The following ZNHIT6 variants were observed in gnomAD, a reference collection of about 807,000 sequenced individuals.
The protein encoded by ZNHIT6 is box C/D snoRNA protein 1.
A neutral mutation model predicts 57.2 loss-of-function variants in ZNHIT6; 45 were observed. The observed-to-expected ratio is 0.79, with a 90% CI of 0.62 to 1.01. The LOEUF (loss-of-function observed/expected upper bound fraction) is 1.01, where lower values mean the gene tolerates loss of function less well. Among genes scored for constraint, ZNHIT6 ranks in the 50% least tolerant of loss-of-function variants. ZNHIT6 has a pLI of 0.00. For missense variants in ZNHIT6, 528 were observed against 567.3 expected (o/e 0.93, Z 0.70); for synonymous variants, 188 against 190.0 (o/e 0.99, Z 0.09).
intron 1 of ZNHIT6, among the ~76,000 whole-genome samples, chr1:85,707,294 ATT>A (rs1233092088): frequency 6.6e-6 from 1 of 152,110 alleles, no homozygotes; most frequent in Non-Finnish European, 1.5e-5. Context: ...TCTCATCTCT[ATT>A]CTCTCTCAAA....
chr1:85,688,104 G>C (rs1244072971), intron 5 of ZNHIT6, among the ~76,000 whole-genome samples: 2 of 151,732 alleles, frequency 1.3e-5, no homozygotes, highest in African/African-American at 4.8e-5. Context: ...TGTTTTACCA[G>C]AGAGCACAGC....
chr1:85,693,489 CAATAT>C (rs1468655896), intron 5 of ZNHIT6, among the ~76,000 whole-genome samples: 1 of 152,026 alleles, frequency 6.6e-6, no homozygotes, highest in African/African-American at 2.4e-5. Context: ...GTGACTTGGA[CAATAT>C]AGCTGAACAA....
rs1557826960 is a variant in ZNHIT6 at position 85,652,783 on chromosome 1, A to C, written c.*1275T>G. 1 of 152,206 alleles carries C rather than the reference A, an allele frequency of 6.6e-6. No homozygotes were observed. The highest frequency in any genetic ancestry group is 1.5e-5 in the Non-Finnish European group (1 of 68,030). The allele number at this position is 152,206 out of a possible 1,614,324, so 9.4% of individuals were successfully genotyped here. A position where few individuals can be genotyped will look rare whatever the true frequency, so the allele number is the denominator to read the frequency against. On this transcript the variant is annotated 3_prime_UTR_variant, in exon 10 of 10. Transcript: ENST00000370574. ...ATGTCCAGTTTTATCATTGCTTTTT[A>C]ACCATTAAGTACACACATACAATAT... is the stretch of plus-strand genomic sequence containing the variant.
Position 85,708,140 on chromosome 1 carries a change from T to TC in ZNHIT6, c.144dup (p.Thr49AspfsTer56). 1 of 1,614,072 alleles carries TC rather than the reference T, an allele frequency of 6.2e-7. No homozygotes were observed. The highest frequency in any genetic ancestry group is 8.5e-7 in the Non-Finnish European group (1 of 1,180,010). On this transcript the variant is annotated frameshift_variant, in exon 1 of 10. Transcript: ENST00000370574. LOFTEE classifies it high-confidence loss of function. ...ATCTCCTTTATCCCTGTCAGCCCTG[T>TC]CCCCTCCTCTCCGCCGCCGAACTCC...
chr1:85,667,335 C>A (rs922115673), intron 8 of ZNHIT6, among the ~76,000 whole-genome samples: 4 of 152,068 alleles, frequency 2.6e-5, no homozygotes, highest in Admixed American at 2.6e-4. Flanking sequence ...ATATTAGCCC[C>A]CAGATTTAAC....
At chr1:85,702,464 T>A (rs80127662) in intron 4 of ZNHIT6, among the ~76,000 whole-genome samples, 1 of 152,288 alleles carries the variant, frequency 6.6e-6, no homozygotes, top group Non-Finnish European at 1.5e-5. Flanking sequence ...ATTAGTGAGA[T>A]CCCAACATCA....
At chr1:85,663,724 A>C (rs1661286035) in intron 8 of ZNHIT6, among the ~76,000 whole-genome samples, 1 of 152,220 alleles carries the variant, frequency 6.6e-6, no homozygotes, top group Non-Finnish European at 1.5e-5. Flanking sequence ...GATCTCTTGT[A>C]AGGCAGGTCT....
intron 5 of ZNHIT6, among the ~76,000 whole-genome samples, chr1:85,684,296 AG>A (rs2100689243): frequency 6.6e-6 from 1 of 152,280 alleles, no homozygotes; most frequent in Non-Finnish European, 1.5e-5. Context: ...ACCTCTTCTG[AG>A]TCCTATGAAA....
At chr1:85,661,995 C>T (rs1661235748) in intron 8 of ZNHIT6, among the ~76,000 whole-genome samples, 1 of 152,080 alleles carries the variant, frequency 6.6e-6, no homozygotes. Flanking sequence ...GGCAGAACGG[C>T]TCAGTGGGCC....
At position 85,651,654 on chromosome 1, in the gene ZNHIT6, A is replaced by T. The variant is rs1660914500; in HGVS notation, c.*2404T>A. The stretch of plus-strand genomic sequence containing the variant: ...TATCTTCTCTTTGAAATCACTGTTT[A>T]AAAAAATAAAGAAAACCAGGTGGAG... On this transcript the variant is annotated 3_prime_UTR_variant, in exon 10 of 10. Transcript: ENST00000370574. The T allele has an allele frequency of 6.6e-6, 1 of 151,310 alleles. No homozygotes were observed. The highest frequency in any genetic ancestry group is 6.6e-5 in the Admixed American group (1 of 15,176). The allele number at this position is 151,310 out of a possible 1,614,324, so 9.4% of individuals were successfully genotyped here.
intron 8 of ZNHIT6, among the ~76,000 whole-genome samples, chr1:85,667,961 A>AAAAAAAAAAAAAAAAAAAATATATAT: frequency 4.9e-4 from 9 of 18,198 alleles, no homozygotes; most frequent in Non-Finnish European, 6.9e-4. Context: ...AAAAAAAAAA[A>AAAAAAAAAAAAAAAAAAAATATATAT]ATATATATAT....
Position 85,657,851 on chromosome 1 carries a change from G to C in ZNHIT6, c.1368C>G (p.His456Gln), listed in dbSNP as rs751955619. 1.2e-6 allele frequency: 2 copies of C among 1,606,014 alleles called. No individual in the cohort carries two copies. Among genetic ancestry groups the C allele is most frequent in the South Asian group, 1.1e-5 (1 of 88,370 alleles). ...KGSNNDMKVLHQVKSESTKNV... is the reference protein window; with the variant it reads ...KGSNNDMKVLQQVKSESTKNV... ...CAGAAACAAATTTACACTTACCTTG[G>C]TGAAGAACTTTCATGTCATTATTGG... is the stretch of plus-strand genomic sequence containing the variant. The change falls in exon 9 of 10, where the codon CAC becomes CAG. Residue 456 changes from histidine to glutamine, a missense_variant. Transcript: ENST00000370574.
intron 8 of ZNHIT6, among the ~76,000 whole-genome samples, chr1:85,658,291 C>G (rs1161611468): frequency 3.3e-5 from 5 of 152,074 alleles, no homozygotes; most frequent in Non-Finnish European, 7.4e-5. Context: ...TGCAGTGGCA[C>G]AATCTCGGCT....
In ZNHIT6 at chr1:85,678,577, A is replaced by G. The variant is rs78767769; in HGVS notation, c.1169+124T>C. On this transcript the variant is annotated intron_variant, in intron 7 of 9. Coordinates refer to ENST00000370574, the MANE Select transcript of ZNHIT6 (RefSeq NM_017953.4). ...TTCTACAGACAGACCTTCAGTAAAC[A>G]CCAAGAAAATGTGATAGAAAGTAAA... 7.5e-3 allele frequency: 4,951 copies of G among 655,886 alleles called. 203 individuals are homozygous for G. In the African/African-American group the frequency reaches 0.087, roughly 11 times the overall value. The allele number at this position is 655,886 out of a possible 1,614,324, so 40.6% of individuals were successfully genotyped here. A position where few individuals can be genotyped will look rare whatever the true frequency, so the allele number is the denominator to read the frequency against.
intron 8 of ZNHIT6, among the ~76,000 whole-genome samples, chr1:85,660,779 CAGGCACTTAAAAAGCA>C (rs1331809744): frequency 1.3e-5 from 2 of 152,058 alleles, no homozygotes; most frequent in African/African-American, 2.4e-5. Context: ...ACATGCTAAG[CAGGCACTTAAAAAGCA>C]CTAAGGATGC....
intron 9 of ZNHIT6, among the ~76,000 whole-genome samples, chr1:85,654,467 G>C (rs1661005014): frequency 6.6e-6 from 1 of 152,032 alleles, no homozygotes; most frequent in Non-Finnish European, 1.5e-5. Context: ...ACTTAATTGA[G>C]GGTCAGTATA....
chr1:85,661,252 T>TA (rs1248984671), intron 8 of ZNHIT6, among the ~76,000 whole-genome samples: 4 of 152,222 alleles, frequency 2.6e-5, no homozygotes, highest in Admixed American at 2.6e-4. Flanking sequence ...AACGCTGAGT[T>TA]AAAGTTCCGG....
Position 85,667,961 on chromosome 1 carries a change from A to T in ZNHIT6, c.1247+9275T>A, listed in dbSNP as rs370162775. On this transcript the variant is annotated intron_variant, in intron 8 of 9. Coordinates refer to ENST00000370574, the MANE Select transcript of ZNHIT6 (RefSeq NM_017953.4). ...ACTCTCTCTTTCAAAAAAAAAAAAA[A>T]ATATATATATATATATATATATATG... is the stretch of plus-strand genomic sequence containing the variant. Among the ~76,000 whole-genome samples the T allele has an allele frequency of 6.3e-3, 114 of 18,204 alleles. 9 individuals are homozygous for T. The highest frequency in any genetic ancestry group is 0.012 in the South Asian group (5 of 412). 11.9% of individuals were successfully genotyped at this position (18,204 alleles called of 152,430 possible). A position where few individuals can be genotyped will look rare whatever the true frequency, so the allele number is the denominator to read the frequency against.
chr1:85,700,809 A>G (rs1284265988), intron 5 of ZNHIT6, among the ~76,000 whole-genome samples: 1 of 152,190 alleles, frequency 6.6e-6, no homozygotes, highest in Non-Finnish European at 1.5e-5. Flanking sequence ...GCAAGACATT[A>G]CTTTACTTTT....
Sources: gnomAD v4.1 joint callset for allele counts (sites outside exome capture counted in the v4.1 genomes callset) on GRCh38, gnomAD v4.1.1 for gene constraint, MANE v1.5 for transcripts, NCBI Gene and HGNC (gene_info 2026-07-23, HGNC 2026-07-21) for gene names.